Variants in VPS13C observed in about 807,000 individuals in gnomAD.
The protein encoded by VPS13C is vacuolar protein sorting 13 homolog C.
A neutral mutation model predicts 456.8 loss-of-function variants in VPS13C; 358 were observed. The ratio of observed to expected loss-of-function variants is 0.78; its 90% CI spans 0.72 to 0.86. VPS13C has a LOEUF of 0.86. VPS13C is among the 40% of genes least tolerant of loss of function. The pLI is 0.00. For synonymous variants in VPS13C, 1,578 were observed against 1,486.7 expected (o/e 1.06, Z -1.41); for missense variants, 4,818 against 4,385.4 (o/e 1.10, Z -2.79).
rs1894689911 is a variant in VPS13C at position 61,867,684 on chromosome 15, A to G, written c.10863+975T>C. On this transcript the variant is annotated intron_variant, in intron 81 of 84. Transcript: ENST00000644861. The surrounding 1 kb of genome is among the most constrained non-coding windows in gnomAD (Gnocchi z 5.0). ...GGCTTTCATCTATTAAACGCAGAAG[A>G]GAGCTGATTCTCTGCATCCTTTAAT... 1.5e-6 allele frequency: 2 copies of G among 1,308,382 alleles called. No homozygotes were observed. Among genetic ancestry groups the G allele is most frequent in the Admixed American group, 7.8e-5 (2 of 25,700 alleles). The allele number at this position is 1,308,382 out of a possible 1,614,324, so 81.0% of individuals were successfully genotyped here.
chr15:61,984,710 G>C (rs1283809958), intron 19 of VPS13C, 147 bp downstream of exon 19: 4 of 784,002 alleles, frequency 5.1e-6, no homozygotes, highest in Non-Finnish European at 7.9e-6. Context: ...AACAAAACAA[G>C]AGCAAATATA....
intron 47 of VPS13C, among the ~76,000 whole-genome samples, chr15:61,938,643 G>C (rs1483175642): frequency 4.0e-5 from 6 of 151,794 alleles, no homozygotes; most frequent in African/African-American, 1.5e-4. Context: ...TTTTTTTCTT[G>C]TTTCTTCTAA....
chr15:62,050,571 T>C (rs1341710900), intron 1 of VPS13C, among the ~76,000 whole-genome samples: 1 of 152,176 alleles, frequency 6.6e-6, no homozygotes, highest in Non-Finnish European at 1.5e-5. Context: ...ACCAAGGCGA[T>C]TGGATCACTT....
In VPS13C at chr15:62,022,332, T is replaced by C. The variant is rs75167522; in HGVS notation, c.624+1079A>G. 7.7e-3 allele frequency among the ~76,000 whole-genome samples: 1,172 copies of C among 152,072 alleles called. 21 individuals are homozygous for C. Among genetic ancestry groups the C allele is most frequent in the African/African-American group, 0.027 (1,121 of 41,518 alleles). ...ATACAGTAATTTGATTTTTAGATTC[T>C]GAGGAAACTCCACACTGTTTTCCAA... On this transcript the variant is annotated intron_variant, in intron 8 of 84. Coordinates refer to ENST00000644861, the MANE Select transcript of VPS13C (RefSeq NM_020821.3).
rs1194445348 is a variant in VPS13C, at chr15:61,884,141, T to G, written c.9470A>C (p.Asp3157Ala). 1.3e-6 allele frequency: 2 copies of G among 1,588,376 alleles called. No individual in the cohort carries two copies. The highest frequency in any genetic ancestry group is 1.7e-6 in the Non-Finnish European group (2 of 1,171,572). ...ATTTTGGTATACCTCAAAATTATTA[T>G]CTAGCTTAATCCAGCCATGGTCTCT... is the stretch of plus-strand genomic sequence containing the variant. The part of the protein sequence containing the change: ...ISRDHGWIKL[D>A]NNFEVNFDKD... The change falls in exon 68 of 85, where the codon GAT (aspartate) becomes GCT (alanine). Residue 3157 changes from aspartate (D) to alanine (A), a missense_variant. By Grantham distance (126) the Asp-to-Ala change is moderately radical. This residue lies in a region of VPS13C where 4,552 missense variants were observed against 4,130.6 expected (regional missense o/e 1.10). Coordinates refer to ENST00000644861, the MANE Select transcript of VPS13C (RefSeq NM_020821.3).
At chr15:61,881,197 T>A (rs958018499) in intron 71 of VPS13C, among the ~76,000 whole-genome samples, 5 of 152,084 alleles carry the variant, frequency 3.3e-5, no homozygotes, top group African/African-American at 1.2e-4. Context: ...ATTCGTCATG[T>A]CACAGATGAA....
In VPS13C at chr15:61,991,013, G is replaced by C; in HGVS notation, c.1565C>G (p.Thr522Ser). ...TTAAATAATTACCTGCTTAGGTAAA[G>C]TTAGGTTGTGGGTACTCTCACTATA... The part of the protein sequence containing the change: ...IGYSESTHNL[T>S]LPKQYVAHIM... Residue 522 changes from threonine (T) to serine (S), a missense_variant, in exon 18 of 85, where the codon ACT (threonine) becomes AGT (serine). Coordinates refer to ENST00000644861, the MANE Select transcript of VPS13C (RefSeq NM_020821.3). The C allele has an allele frequency of 6.2e-7, 1 of 1,611,534 alleles. No homozygotes were observed. Among genetic ancestry groups the C allele is most frequent in the East Asian group, 2.2e-5 (1 of 44,734 alleles).
chr15:61,952,179 T>C (rs1470655999), intron 38 of VPS13C, among the ~76,000 whole-genome samples, 199 bp from the exon 39 acceptor site: 2 of 152,174 alleles, frequency 1.3e-5, no homozygotes, highest in Non-Finnish European at 2.9e-5. Context: ...TGAAAGTCTG[T>C]AAGACCAACA....
intron 69 of VPS13C, 145 bp downstream of exon 69, chr15:61,882,451 C>T (rs1895928493): frequency 1.3e-6 from 1 of 794,662 alleles, no homozygotes; most frequent in Non-Finnish European, 1.7e-6. Context: ...GTTAAATAAA[C>T]AGGATATGTG....
At chr15:61,892,753 G>A (rs1054125762) in intron 66 of VPS13C, among the ~76,000 whole-genome samples, 1 of 152,064 alleles carries the variant, frequency 6.6e-6, no homozygotes, top group Admixed American at 6.6e-5. Flanking sequence ...AGGCAACACA[G>A]AAAAACAATT....
chr15:61,878,197 A>AT (rs35860573), intron 74 of VPS13C, among the ~76,000 whole-genome samples: 8,673 of 151,590 alleles, frequency 0.057, 310 homozygotes, highest in Non-Finnish European at 0.08. Flanking sequence ...TCTACAGGGA[A>AT]TTTTTTTTCA....
intron 61 of VPS13C, 44 bp from the exon 62 acceptor site, chr15:61,913,459 C>A (rs768463415): frequency 1.3e-6 from 2 of 1,512,134 alleles, no homozygotes; most frequent in Non-Finnish European, 1.8e-6. Flanking sequence ...ATCTAAAACA[C>A]TATAATAATT....
intron 3 of VPS13C, among the ~76,000 whole-genome samples, chr15:62,036,008 T>TC: frequency 6.6e-6 from 1 of 152,142 alleles, no homozygotes; most frequent in Admixed American, 6.6e-5. Flanking sequence ...ATCTCTAGTA[T>TC]CCCCTCGTTC....
intron 18 of VPS13C, 27 bp from the exon 19 acceptor site, chr15:61,985,026 T>G: frequency 7.4e-7 from 1 of 1,360,476 alleles, no homozygotes; most frequent in Non-Finnish European, 9.6e-7. Flanking sequence ...AAATTAAAAT[T>G]GTTAAAGTTT....
At chr15:61,896,385 T>C (rs1434076377) in intron 66 of VPS13C, among the ~76,000 whole-genome samples, 2 of 152,098 alleles carry the variant, frequency 1.3e-5, no homozygotes, top group Non-Finnish European at 2.9e-5. Flanking sequence ...CACAGGTCAG[T>C]GGGTGCACGC....
chr15:62,026,446 G>A (rs1439733330), intron 6 of VPS13C, among the ~76,000 whole-genome samples: 6 of 152,072 alleles, frequency 3.9e-5, no homozygotes, highest in African/African-American at 1.4e-4. Context: ...CTGGGAAGCT[G>A]TCGATCTCAA....
chr15:61,977,048 T>G lies in VPS13C; in HGVS notation c.2408+34A>C, dbSNP rs77976030. The stretch of plus-strand genomic sequence containing the variant: ...ACTGATGCAGACATATTTCACCTGT[T>G]GATTTTCTAATATAAAAGAAGTTTA... On this transcript the variant is annotated intron_variant, in intron 24 of 84. Coordinates refer to ENST00000644861, the MANE Select transcript of VPS13C (RefSeq NM_020821.3). The G allele has an allele frequency of 2.2e-3, 3,291 of 1,463,448 alleles. 68 individuals are homozygous for G. In the African/African-American group the frequency reaches 0.042, roughly 18 times the overall value. The allele number at this position is 1,463,448 out of a possible 1,614,324, so 90.7% of individuals were successfully genotyped here.
In VPS13C at chr15:61,853,852, G is replaced by A. The variant is rs1254852753; in HGVS notation, c.*605C>T. 1.3e-5 allele frequency: 2 copies of A among 148,568 alleles called. No homozygotes were observed. The highest frequency in any genetic ancestry group is 1.5e-5 in the Non-Finnish European group (1 of 67,824). 9.2% of individuals were successfully genotyped at this position (148,568 alleles called of 1,614,324 possible). A position where few individuals can be genotyped will look rare whatever the true frequency, so the allele number is the denominator to read the frequency against. ...AGTTCGAGACTAGACTGACCAACAT[G>A]GTGAAACTCATCTCTACTAAAAATA... On this transcript the variant is annotated 3_prime_UTR_variant, in exon 85 of 85. Transcript: ENST00000644861.
Position 61,878,734 on chromosome 15 carries a change from A to T in VPS13C, c.10015T>A (p.Leu3339Met). The change falls in exon 74 of 85, where the codon TTG becomes ATG. Residue 3339 changes from leucine (L) to methionine (M), a missense_variant. By Grantham distance (15) the Leu-to-Met change is conservative. Around this residue, in one of 3 missense-constraint regions of VPS13C, gnomAD observed 4,552 missense variants for 4,130.6 expected, o/e 1.10. Transcript: ENST00000644861. Reference protein sequence around the residue: ...HISPVKLHLSLSLGSGGEESD... With the variant: ...HISPVKLHLSMSLGSGGEESD... ...TCTTCACCTCCGGAACCCAAAGACA[A>T]ACTCAAATGCAACTAAAAGAAAAAT... 1 of 1,604,316 alleles carries T rather than the reference A, an allele frequency of 6.2e-7. No individual in the cohort carries two copies. The highest frequency in any genetic ancestry group is 8.5e-7 in the Non-Finnish European group (1 of 1,176,664).
Sources: allele counts gnomAD v4.1 joint callset (sites outside exome capture counted in the v4.1 genomes callset), GRCh38; gene constraint gnomAD v4.1.1; regional missense constraint gnomAD v4.1.1; non-coding constraint Gnocchi (gnomAD v3.1); transcripts MANE v1.5; gene names NCBI Gene and HGNC (gene_info 2026-07-23, HGNC 2026-07-21).